Variants in TSHR observed in about 807,000 individuals in gnomAD.
The protein encoded by TSHR is thyroid stimulating hormone receptor.
In TSHR, 51 loss-of-function variants were observed where a neutral mutation model predicts 64.1. The observed-to-expected ratio is 0.80, with a 90% CI of 0.64 to 1.01. The LOEUF (loss-of-function observed/expected upper bound fraction) is 1.01, where lower values mean the gene tolerates loss of function less well. Ranked by LOEUF, TSHR falls within the 50% of genes least tolerant of loss-of-function variation. The pLI, the probability that TSHR is intolerant of heterozygous loss-of-function variation, is 0.00. For synonymous variants in TSHR, 361 were observed against 361.9 expected (o/e 1.00, Z 0.03); for missense variants, 877 against 942.8 (o/e 0.93, Z 0.91).
chr14:81,018,534 G>T (rs936301687), intron 1 of TSHR, among the ~76,000 whole-genome samples: 2 of 152,168 alleles, frequency 1.3e-5, no homozygotes, highest in African/African-American at 4.8e-5. Flanking sequence ...TGCTGTGTGG[G>T]GGACACTGAG....
chr14:81,042,150 C>T (rs1403314110), intron 1 of TSHR, among the ~76,000 whole-genome samples: 4 of 152,008 alleles, frequency 2.6e-5, no homozygotes, highest in African/African-American at 9.7e-5. Flanking sequence ...ATGACAAATG[C>T]TAGTATAGAT....
At chr14:81,064,001 T>A (rs1231398305) in intron 2 of TSHR, among the ~76,000 whole-genome samples, 1 of 152,056 alleles carries the variant, frequency 6.6e-6, no homozygotes, top group Non-Finnish European at 1.5e-5. Flanking sequence ...TAGAAAAAAA[T>A]AAAACTTAGG....
chr14:81,031,809 C>G (rs1594975457), intron 1 of TSHR, among the ~76,000 whole-genome samples: 1 of 152,198 alleles, frequency 6.6e-6, no homozygotes, highest in East Asian at 1.9e-4. Context: ...ACTATAGAAA[C>G]TTCAGAGAGG....
chr14:81,020,087 CA>C (rs1313433272), intron 1 of TSHR, among the ~76,000 whole-genome samples: 2 of 151,676 alleles, frequency 1.3e-5, no homozygotes, highest in South Asian at 4.1e-4. Flanking sequence ...CAGTGTAAAA[CA>C]AAACAACATA....
At chr14:80,958,185 G>A (rs1228719770) in intron 1 of TSHR, 1 of 151,990 alleles carries the variant, frequency 6.6e-6, no homozygotes, top group Non-Finnish European at 1.5e-5. Context: ...TACGGGGGCG[G>A]GGGGTCCTGT....
At chr14:81,006,982 A>G (rs1352869924) in intron 1 of TSHR, among the ~76,000 whole-genome samples, 1 of 152,206 alleles carries the variant, frequency 6.6e-6, no homozygotes, top group Non-Finnish European at 1.5e-5. Context: ...TCCATATCTT[A>G]TTTAGATTTC....
At chr14:81,080,856 CTT>C (rs889446064) in intron 3 of TSHR, among the ~76,000 whole-genome samples, 1 of 152,124 alleles carries the variant, frequency 6.6e-6, no homozygotes, top group Admixed American at 6.5e-5. Context: ...CTTTGACAGA[CTT>C]TTAACTTTTG....
intron 8 of TSHR, among the ~76,000 whole-genome samples, chr14:81,124,585 T>C (rs1415390787): frequency 2.6e-5 from 4 of 152,184 alleles, no homozygotes; most frequent in African/African-American, 7.2e-5. Flanking sequence ...TATATCTCTA[T>C]ATATATGTCT....
intron 3 of TSHR, among the ~76,000 whole-genome samples, chr14:81,081,608 T>TA (rs1887913669): frequency 6.6e-6 from 1 of 152,222 alleles, no homozygotes; most frequent in African/African-American, 2.4e-5. Flanking sequence ...AATTAATACT[T>TA]GATGTCAAGA....
At chr14:81,029,487 A>G (rs1231832880) in intron 1 of TSHR, among the ~76,000 whole-genome samples, 1 of 152,144 alleles carries the variant, frequency 6.6e-6, no homozygotes, top group Non-Finnish European at 1.5e-5. Context: ...TTACAGTTCC[A>G]TATCTGCACC....
intron 6 of TSHR, among the ~76,000 whole-genome samples, chr14:81,096,041 CAAAA>C (rs397853041): frequency 4.4e-5 from 3 of 68,382 alleles, no homozygotes; most frequent in Non-Finnish European, 3.0e-5. Context: ...GACCCTGTCT[CAAAA>C]AAAAAAAAAA....
chr14:81,119,574 G>A (rs1890696323), intron 8 of TSHR, among the ~76,000 whole-genome samples: 1 of 122,542 alleles, frequency 8.2e-6, no homozygotes. Flanking sequence ...CTTTTACATT[G>A]TTGGTGGGAC....
chr14:81,061,343 C>A (rs564071429), intron 1 of TSHR, among the ~76,000 whole-genome samples: 1 of 151,926 alleles, frequency 6.6e-6, no homozygotes, highest in Admixed American at 6.6e-5. Context: ...GTTGTTCGCA[C>A]GAATGTTCAT....
At chr14:81,027,187 G>C (rs1040066455) in intron 1 of TSHR, among the ~76,000 whole-genome samples, 2 of 152,038 alleles carry the variant, frequency 1.3e-5, no homozygotes, top group African/African-American at 4.8e-5. Context: ...TGTAGATCGA[G>C]AACACAGGGG....
chr14:81,104,474 A>G, intron 7 of TSHR: 1 of 985,378 alleles, frequency 1.0e-6, no homozygotes, highest in Non-Finnish European at 1.2e-6. Context: ...TTCTCTTGCC[A>G]CGACATCACA....
At chr14:81,014,241 AG>A (rs1373259251) in intron 1 of TSHR, 1 of 152,174 alleles carries the variant, frequency 6.6e-6, no homozygotes, top group African/African-American at 2.4e-5. Flanking sequence ...TCTGCCTTTT[AG>A]GAAGTGTTTG....
chr14:81,029,543 G>C (rs1884241802), intron 1 of TSHR, among the ~76,000 whole-genome samples: 1 of 151,918 alleles, frequency 6.6e-6, no homozygotes, highest in Non-Finnish European at 1.5e-5. Flanking sequence ...AAAAATATAT[G>C]TGACTTGATT....
intron 1 of TSHR, among the ~76,000 whole-genome samples, chr14:80,997,382 T>G (rs558768692): frequency 6.6e-6 from 1 of 152,212 alleles, no homozygotes; most frequent in African/African-American, 2.4e-5. Flanking sequence ...TTTACCTCTT[T>G]AGCTCCTATT....
Position 81,062,180 on chromosome 14 carries a change from C to G in TSHR, c.203C>G (p.Pro68Arg). ...ATTGAGACTCACCTGAGAACTATTC[C>G]AAGTCATGCATTTTCTAATCTGCCC... is the stretch of plus-strand genomic sequence containing the variant. ...KLIETHLRTI[P>R]SHAFSNLPNI... Residue 68 changes from proline to arginine, a missense_variant, in exon 2 of 10, where the codon CCA becomes CGA. Transcript: ENST00000298171. 1 of 1,611,714 alleles carries G rather than the reference C, an allele frequency of 6.2e-7. No homozygotes were observed. The highest frequency in any genetic ancestry group is 1.1e-5 in the South Asian group (1 of 90,870).
Sources: gnomAD v4.1 joint callset for allele counts (sites outside exome capture counted in the v4.1 genomes callset) on GRCh38, gnomAD v4.1.1 for gene constraint, MANE v1.5 for transcripts, NCBI Gene and HGNC (gene_info 2026-07-23, HGNC 2026-07-21) for gene names.